Variants in PKD1L1 observed in about 807,000 individuals in gnomAD.
PKD1L1 encodes polycystin 1 like 1, transient receptor potential channel interacting, also known as polycystin-1-like protein 1.
PKD1L1 carries 236 observed loss-of-function variants against 323.4 expected under a neutral mutation model. The ratio of observed to expected loss-of-function variants is 0.73; its 90% CI spans 0.66 to 0.81. The LOEUF (loss-of-function observed/expected upper bound fraction) is 0.81. PKD1L1 is among the 40% of genes least tolerant of loss of function. The pLI is 0.00. For synonymous variants in PKD1L1, 1,344 were observed against 1,335.0 expected, an observed-to-expected ratio of 1.01 and a Z score of -0.15; for missense variants, 3,320 against 3,508.0, an observed-to-expected ratio of 0.95 and a Z score of 1.35.
intron 8 of PKD1L1, among the ~76,000 whole-genome samples, chr7:47,913,412 G>A (rs184194584): frequency 1.8e-3 from 281 of 152,246 alleles, no homozygotes; most frequent in Admixed American, 4.4e-3. Context: ...ATCTCATGTC[G>A]AATTGCATTC....
intron 28 of PKD1L1, among the ~76,000 whole-genome samples, chr7:47,856,909 G>C (rs1785917018): frequency 7.0e-6 from 1 of 142,998 alleles, no homozygotes; most frequent in Non-Finnish European, 1.5e-5. Context: ...GGGGTCGGGG[G>C]CTACAGAAAT....
At chr7:47,888,637 T>C (rs1174127026) in intron 16 of PKD1L1, among the ~76,000 whole-genome samples, 1 of 152,226 alleles carries the variant, frequency 6.6e-6, no homozygotes. Context: ...CAGCCTCAGA[T>C]GCTCACAAAG....
intron 41 of PKD1L1, 87 bp downstream of exon 41, chr7:47,833,003 T>A: frequency 7.5e-6 from 11 of 1,476,158 alleles, no homozygotes; most frequent in Non-Finnish European, 1.0e-5. Flanking sequence ...TTTGGCCCAA[T>A]TGTGACTCTG....
At chr7:47,905,453 T>C (rs1787183395) in intron 10 of PKD1L1, 128 bp from the exon 11 acceptor site, 1 of 1,074,420 alleles carries the variant, frequency 9.3e-7, no homozygotes, top group Non-Finnish European at 1.3e-6. Context: ...CTGATATGCA[T>C]GCAGATTGGC....
rs111456543 is a variant in PKD1L1 at position 47,890,551 on chromosome 7, G to A, written c.2666C>T (p.Ser889Leu). 77 of 1,614,028 alleles carry A rather than the reference G, an allele frequency of 4.8e-5. No homozygotes were observed. Among genetic ancestry groups the A allele is most frequent in the African/African-American group, 2.9e-4 (22 of 75,042 alleles). ...ATACAGGGTCAGGTACCTGAACGCC[G>A]AGTCAGGGTAGGGGGACAGGAACAC... ...TRVFLSPYPD[S>L]AFRFVHISWV... Residue 889 changes from serine to leucine, a missense_variant, in exon 16 of 57, where the codon TCG becomes TTG. By Grantham distance (145) the Ser-to-Leu change is moderately radical. Transcript: ENST00000289672.
Position 47,866,599 on chromosome 7 carries a change from C to A in PKD1L1, c.3912G>T (p.Leu1304=). ...TCAGCTGGAGGGTAGAAAGGTTTTT[C>A]AGGCTGGAATTATACCTGAAGGAAA... is the stretch of plus-strand genomic sequence containing the variant. The part of the protein sequence containing the change: ...CLGEDLYNSS[L]KNLSTLQLMG... Residue 1304 remains leucine, a synonymous_variant, in exon 25 of 57, where the codon CTG becomes CTT. Transcript: ENST00000289672. 2 of 1,607,366 alleles carry A rather than the reference C, an allele frequency of 1.2e-6. No homozygotes were observed. Among genetic ancestry groups the A allele is most frequent in the Non-Finnish European group, 1.7e-6 (2 of 1,176,218 alleles).
Position 47,800,223 on chromosome 7 carries a change from C to T in PKD1L1, c.8193+426G>A, listed in dbSNP as rs556966910. 2.0e-5 allele frequency among the ~76,000 whole-genome samples: 3 copies of T among 152,324 alleles called. No individual in the cohort carries two copies. In the East Asian group the frequency reaches 5.8e-4, roughly 29 times the overall value. The stretch of plus-strand genomic sequence containing the variant: ...GGCGTGAAACAGGGAGCCATTCCTC[C>T]TTCAGCCGCTAGCCTGGAGAACACG... On this transcript the variant is annotated intron_variant, in intron 54 of 56. Coordinates refer to ENST00000289672, the MANE Select transcript of PKD1L1 (RefSeq NM_138295.5).
chr7:47,897,949 T>C (rs367571413), intron 14 of PKD1L1, 39 bp downstream of exon 14: 7 of 1,476,192 alleles, frequency 4.7e-6, no homozygotes, highest in South Asian at 1.3e-5. Context: ...GAAGCATGGG[T>C]TTCATTGGGC....
chr7:47,810,258 G>A (rs1442170524), intron 50 of PKD1L1, among the ~76,000 whole-genome samples: 2 of 152,300 alleles, frequency 1.3e-5, no homozygotes, highest in East Asian at 1.9e-4. Context: ...TCACTTTTGG[G>A]TGCTGCAAGG....
At chr7:47,852,578 T>C (rs1785805311) in intron 31 of PKD1L1, among the ~76,000 whole-genome samples, 1 of 152,136 alleles carries the variant, frequency 6.6e-6, no homozygotes, top group African/African-American at 2.4e-5. Context: ...CCCACTGAGC[T>C]CCAGTTTCTT....
chr7:47,829,346 C>A, intron 44 of PKD1L1, 79 bp downstream of exon 44: 1 of 1,351,760 alleles, frequency 7.4e-7, no homozygotes, highest in South Asian at 1.5e-5. Context: ...GAATTCAAAG[C>A]CTACATTCAG....
intron 10 of PKD1L1, among the ~76,000 whole-genome samples, chr7:47,905,638 C>T (rs1283091754): frequency 1.3e-5 from 2 of 152,212 alleles, no homozygotes; most frequent in Admixed American, 1.3e-4. Flanking sequence ...CCCACCTTCC[C>T]ATTCCTTCAA....
intron 56 of PKD1L1, among the ~76,000 whole-genome samples, chr7:47,777,414 A>G (rs1786594588): frequency 6.6e-6 from 1 of 152,194 alleles, no homozygotes; most frequent in African/African-American, 2.4e-5. Flanking sequence ...ATATCCTGCA[A>G]CCAAGCAGGG....
At chr7:47,852,442 A>G (rs1785801353) in intron 31 of PKD1L1, among the ~76,000 whole-genome samples, 1 of 152,234 alleles carries the variant, frequency 6.6e-6, no homozygotes, top group Admixed American at 6.5e-5. Context: ...ATCCCAGTAA[A>G]CATGTAGAGA....
chr7:47,831,533 C>G (rs1287369259), intron 41 of PKD1L1, among the ~76,000 whole-genome samples, 181 bp from the exon 42 acceptor site: 1 of 152,200 alleles, frequency 6.6e-6, no homozygotes, highest in Non-Finnish European at 1.5e-5. Context: ...GCATTAAGAT[C>G]TGAATCAGCA....
intron 9 of PKD1L1, among the ~76,000 whole-genome samples, chr7:47,907,638 T>C (rs191257011): frequency 6.6e-5 from 10 of 152,324 alleles, no homozygotes; most frequent in Non-Finnish European, 1.0e-4. Context: ...AATTCTGTTT[T>C]AGCTCAAGGC....
At chr7:47,861,881 A>T (rs1786034714) in intron 26 of PKD1L1, among the ~76,000 whole-genome samples, 3 of 6,160 alleles carry the variant, frequency 4.9e-4, no homozygotes. Context: ...ACTCTGTCTC[A>T]AAAAAAAAAA....
chr7:47,857,287 C>G (rs1785926211), intron 28 of PKD1L1, among the ~76,000 whole-genome samples: 1 of 152,232 alleles, frequency 6.6e-6, no homozygotes, highest in South Asian at 2.1e-4. Flanking sequence ...ATAATCACTG[C>G]ATCACATGCT....
At chr7:47,915,217 C>T (rs2128752691) in intron 8 of PKD1L1, among the ~76,000 whole-genome samples, 1 of 152,346 alleles carries the variant, frequency 6.6e-6, no homozygotes, top group South Asian at 2.1e-4. Context: ...CAGACCACTT[C>T]CCTCCTTGGG....
Sources: allele counts gnomAD v4.1 joint callset (sites outside exome capture counted in the v4.1 genomes callset), GRCh38; gene constraint gnomAD v4.1.1; transcripts MANE v1.5; gene names NCBI Gene and HGNC (gene_info 2026-07-23, HGNC 2026-07-21).